Variants in ACTR2 observed in about 807,000 individuals in gnomAD.
ACTR2 encodes the protein actin related protein 2.
ACTR2 carries 5 observed loss-of-function variants against 50.2 expected under a neutral mutation model. The ratio of observed to expected loss-of-function variants is 0.10; its 90% CI spans 0.05 to 0.21. The LOEUF (loss-of-function observed/expected upper bound fraction) is 0.21, where lower values mean the gene tolerates loss of function less well. Ranked by LOEUF, ACTR2 falls within the 10% of genes least tolerant of loss-of-function variation. ACTR2 has a pLI of 1.00. For missense variants in ACTR2, 180 were observed against 480.6 expected (o/e 0.37, Z 5.85); for synonymous variants, 140 against 162.9 (o/e 0.86, Z 1.07).
intron 2 of ACTR2, among the ~76,000 whole-genome samples, chr2:65,243,324 A>G (rs1671876623): frequency 6.6e-6 from 1 of 151,694 alleles, no homozygotes. Context: ...AGAACAGTGT[A>G]GGCTTATTTT....
intron 1 of ACTR2, among the ~76,000 whole-genome samples, chr2:65,235,082 TC>T (rs1349291583): frequency 6.6e-6 from 1 of 152,202 alleles, no homozygotes; most frequent in African/African-American, 2.4e-5. Context: ...GAACAGATTC[TC>T]TTCCATATCA....
chr2:65,266,917 C>T lies in ACTR2; in HGVS notation c.1015-1647C>T, dbSNP rs58360995. 1.1e-3 allele frequency among the ~76,000 whole-genome samples: 161 copies of T among 152,202 alleles called. 3 individuals carry two copies. The highest frequency in any genetic ancestry group is 6.8e-3 in the Middle Eastern group (2 of 292). On this transcript the variant is annotated intron_variant, in intron 8 of 8. Coordinates refer to ENST00000260641, the MANE Select transcript of ACTR2 (RefSeq NM_005722.4). ...GTCTGTAGGAATCTGTAGATGAGTTCAGCAAGGAGGGAGTGGTAGATGGAA... is the reference window on the plus strand; with the variant it reads ...GTCTGTAGGAATCTGTAGATGAGTTTAGCAAGGAGGGAGTGGTAGATGGAA...
intron 2 of ACTR2, among the ~76,000 whole-genome samples, chr2:65,242,319 C>A (rs1671853930): frequency 6.6e-6 from 1 of 151,916 alleles, no homozygotes; most frequent in Non-Finnish European, 1.5e-5. Context: ...CCTTGTTTTT[C>A]TTGTAGATGA....
In ACTR2 at chr2:65,268,884, C is replaced by G. The variant is rs11424; in HGVS notation, c.*150C>G. 0.31 allele frequency: 253,471 copies of G among 826,740 alleles called. 44,172 individuals are homozygous for G. Among genetic ancestry groups the G allele is most frequent in the East Asian group, 0.73 (26,273 of 35,952 alleles). 51.2% of individuals were successfully genotyped at this position (826,740 alleles called of 1,614,324 possible). ...GTTTTATTCTGGTGTCTTGGGGAAG[C>G]TTTGTTAAATTTTTGTTAATGTGGG... On this transcript the variant is annotated 3_prime_UTR_variant, in exon 9 of 9. Transcript: ENST00000260641.
chr2:65,239,272 T>G (rs1171050722), intron 1 of ACTR2, among the ~76,000 whole-genome samples: 1 of 152,090 alleles, frequency 6.6e-6, no homozygotes, highest in Non-Finnish European at 1.5e-5. Flanking sequence ...CTGACCAACA[T>G]GGAGAAACCC....
In ACTR2 at chr2:65,253,659, A is replaced by G. The variant is rs1368724582; in HGVS notation, c.449-69A>G. On this transcript the variant is annotated intron_variant, in intron 4 of 8. Coordinates refer to ENST00000260641, the MANE Select transcript of ACTR2 (RefSeq NM_005722.4). Reference sequence around the variant, plus strand: ...GTTTCTGTTTTGGCTTCCCTACTGTATTTGGAACTCGCTGGCTTTGGTTTT... The same window carrying G: ...GTTTCTGTTTTGGCTTCCCTACTGTGTTTGGAACTCGCTGGCTTTGGTTTT... 29 of 1,542,584 alleles carry G rather than the reference A, an allele frequency of 1.9e-5. 1 individual carries two copies. Among genetic ancestry groups the G allele is most frequent in the South Asian group, 1.8e-4 (15 of 85,062 alleles).
At chr2:65,232,698 T>A (rs911849374) in intron 1 of ACTR2, among the ~76,000 whole-genome samples, 24 of 152,328 alleles carry the variant, frequency 1.6e-4, no homozygotes, top group African/African-American at 5.8e-4. Flanking sequence ...AGAGCAGATG[T>A]AGATAGAATT....
rs1238500577 is a variant in ACTR2 at position 65,271,235 on chromosome 2, CAG to C, written c.*2503_*2504del. 6.6e-6 allele frequency: 1 copy of C among 152,068 alleles called. No individual in the cohort carries two copies. Among genetic ancestry groups the C allele is most frequent in the African/African-American group, 2.4e-5 (1 of 41,416 alleles). The allele number at this position is 152,068 out of a possible 1,614,324, so 9.4% of individuals were successfully genotyped here. On this transcript the variant is annotated 3_prime_UTR_variant, in exon 9 of 9. Coordinates refer to ENST00000260641, the MANE Select transcript of ACTR2 (RefSeq NM_005722.4). ...TTCATTTTGATTGAGAAAATAAAAT[CAG>C]ATTTTTTCAAAGTCAATTTGAATTT...
At chr2:65,233,832 A>G (rs1310163378) in intron 1 of ACTR2, among the ~76,000 whole-genome samples, 1 of 151,978 alleles carries the variant, frequency 6.6e-6, no homozygotes, top group Non-Finnish European at 1.5e-5. Flanking sequence ...GCTGGTTTCG[A>G]ACTCCTGACC....
intron 6 of ACTR2, among the ~76,000 whole-genome samples, chr2:65,259,207 T>G (rs937695754): frequency 6.6e-6 from 1 of 152,094 alleles, no homozygotes; most frequent in Non-Finnish European, 1.5e-5. Context: ...GAGGATCATT[T>G]GAGCCCAGGA....
intron 6 of ACTR2, among the ~76,000 whole-genome samples, chr2:65,257,555 C>T (rs1219539770): frequency 6.6e-6 from 1 of 152,208 alleles, no homozygotes; most frequent in Non-Finnish European, 1.5e-5. Flanking sequence ...AACTAATTTA[C>T]ACTCCCACCA....
chr2:65,261,460 TA>T, intron 7 of ACTR2, 68 bp downstream of exon 7: 1 of 1,389,202 alleles, frequency 7.2e-7, no homozygotes, highest in East Asian at 2.5e-5. Context: ...TAAAGTTATT[TA>T]TCAGAAATAG....
intron 1 of ACTR2, among the ~76,000 whole-genome samples, chr2:65,234,429 T>A (rs1671700557): frequency 6.6e-6 from 1 of 152,226 alleles, no homozygotes; most frequent in South Asian, 2.1e-4. Flanking sequence ...AAAAGTCTTT[T>A]TTTTTGTTAG....
At chr2:65,267,759 T>C (rs1018534210) in intron 8 of ACTR2, among the ~76,000 whole-genome samples, 5 of 151,216 alleles carry the variant, frequency 3.3e-5, no homozygotes, top group Admixed American at 6.6e-5. Context: ...TTTGAGACAA[T>C]AGAAAGTAAG....
intron 2 of ACTR2, chr2:65,241,946 A>G (rs747331188): frequency 2.2e-5 from 32 of 1,482,164 alleles, no homozygotes; most frequent in East Asian, 4.6e-5. Context: ...AATTGTCTCT[A>G]TTGCTTGTAT....
chr2:65,264,998 T>C, intron 7 of ACTR2, 45 bp from the exon 8 acceptor site: 2 of 1,609,080 alleles, frequency 1.2e-6, no homozygotes, highest in Non-Finnish European at 1.7e-6. Context: ...AGATACCATT[T>C]TCCTAACCTA....
At chr2:65,241,315 A>G (rs760149374) in intron 2 of ACTR2, among the ~76,000 whole-genome samples, 8 of 152,352 alleles carry the variant, frequency 5.3e-5, no homozygotes, top group Middle Eastern at 3.4e-3. Context: ...TTTTTGAGGT[A>G]TGAAGAAATA....
intron 7 of ACTR2, among the ~76,000 whole-genome samples, chr2:65,262,181 T>C (rs938340421): frequency 5.3e-5 from 8 of 152,206 alleles, no homozygotes; most frequent in Non-Finnish European, 1.2e-4. Context: ...TTCTATAGGT[T>C]ATATCTTCAC....
chr2:65,241,324 TATC>T (rs745979040), intron 2 of ACTR2, among the ~76,000 whole-genome samples: 2 of 152,306 alleles, frequency 1.3e-5, no homozygotes, highest in East Asian at 1.9e-4. Context: ...TATGAAGAAA[TATC>T]ATGTATAGCC....
Sources: gnomAD v4.1 joint callset for allele counts (sites outside exome capture counted in the v4.1 genomes callset) on GRCh38, gnomAD v4.1.1 for gene constraint, MANE v1.5 for transcripts, NCBI Gene and HGNC (gene_info 2026-07-23, HGNC 2026-07-21) for gene names.